Variants in ALG1 observed in about 807,000 individuals in gnomAD.
ALG1 encodes the protein chitobiosyldiphosphodolichol beta-mannosyltransferase.
ALG1 carries 58 observed loss-of-function variants against 55.1 expected under a neutral mutation model. That is an observed-to-expected ratio of 1.05 (90% CI 0.85 to 1.31). ALG1 has a LOEUF of 1.31. ALG1 is among the 50% of genes most tolerant of loss of function. The pLI is 0.00. For synonymous variants in ALG1, 309 were observed against 247.0 expected, an observed-to-expected ratio of 1.25 and a Z score of -2.35; for missense variants, 761 against 598.6, an observed-to-expected ratio of 1.27 and a Z score of -2.83.
chr16:5,081,399 A>G (rs530246856), intron 10 of ALG1, among the ~76,000 whole-genome samples: 4 of 152,362 alleles, frequency 2.6e-5, no homozygotes, highest in African/African-American at 9.6e-5. Flanking sequence ...TGTGTCAAAC[A>G]GCGTCGCCTC....
intron 6 of ALG1, chr16:5,078,251 A>G (rs1332915382): frequency 2.0e-5 from 14 of 696,204 alleles, no homozygotes; most frequent in Non-Finnish European, 3.1e-5. Context: ...GCAACAGAGA[A>G]CCTGTGGCCC....
chr16:5,081,866 C>G (rs1889849755), intron 10 of ALG1, among the ~76,000 whole-genome samples: 1 of 151,942 alleles, frequency 6.6e-6, no homozygotes, highest in Non-Finnish European at 1.5e-5. Flanking sequence ...CTGGCCCCAG[C>G]TAGTCTTTAG....
chr16:5,081,001 G>A lies in ALG1; in HGVS notation c.1017G>A (p.Gln339=), dbSNP rs1413200417. The change falls in exon 10 of 13, where the codon CAG becomes CAA. Residue 339 remains glutamine (Q), a synonymous_variant. Coordinates refer to ENST00000262374, the MANE Select transcript of ALG1 (RefSeq NM_019109.5). ...YSRLIHQKHF[Q]HIQVCTPWLE... is the part of the protein sequence containing the mutation. ...GCCTCATCCACCAGAAGCACTTCCAGCACATCCAGGTCTGCACCCCCTGGC... is the reference window on the plus strand; with the variant it reads ...GCCTCATCCACCAGAAGCACTTCCAACACATCCAGGTCTGCACCCCCTGGC... 1 of 1,593,662 alleles carries A rather than the reference G, an allele frequency of 6.3e-7. No individual in the cohort carries two copies. The highest frequency in any genetic ancestry group is 1.1e-5 in the South Asian group (1 of 90,968).
chr16:5,079,631 G>A, intron 8 of ALG1, 117 bp from the exon 9 acceptor site: 3 of 1,211,344 alleles, frequency 2.5e-6, no homozygotes, highest in Non-Finnish European at 3.6e-6. Context: ...AGAGGTTGCA[G>A]TGAGCTGAGA....
At chr16:5,073,474 G>T in intron 3 of ALG1, 1 of 597,944 alleles carries the variant, frequency 1.7e-6, no homozygotes, top group Non-Finnish European at 3.0e-6. Flanking sequence ...TGTGTATCAA[G>T]TGTTTTCCAT....
chr16:5,084,963 C>G lies in ALG1; in HGVS notation c.*82C>G. ...CTTGGAGTCTCAGGGCAAACCCTTT[C>G]GAGCAGCACCTCCCAGTGGCCAGAA... is the stretch of plus-strand genomic sequence containing the variant. On this transcript the variant is annotated 3_prime_UTR_variant, in exon 13 of 13. Transcript: ENST00000262374. 1.3e-6 allele frequency: 2 copies of G among 1,554,276 alleles called. No homozygotes were observed. The highest frequency in any genetic ancestry group is 2.2e-5 in the East Asian group (1 of 44,814).
Position 5,079,086 on chromosome 16 carries a change from G to C in ALG1, c.885G>C (p.Leu295=). The part of the protein sequence containing the change: ...SWTEDEDFSI[L]LAALEKFEQL... ...TAGAGGACGAAGACTTCTCCATCCT[G>C]CTGGCAGCTTTAGAAAGTAGGTGTG... is the stretch of plus-strand genomic sequence containing the variant. Residue 295 remains leucine (L), a synonymous_variant, in exon 8 of 13, where the codon CTG becomes CTC. Coordinates refer to ENST00000262374, the MANE Select transcript of ALG1 (RefSeq NM_019109.5). The C allele has an allele frequency of 1.3e-6, 2 of 1,598,150 alleles. No individual in the cohort carries two copies. The highest frequency in any genetic ancestry group is 8.5e-7 in the Non-Finnish European group (1 of 1,179,652).
At chr16:5,081,149 G>C (rs1018044465) in intron 10 of ALG1, 93 bp downstream of exon 10, 2 of 1,354,696 alleles carry the variant, frequency 1.5e-6, no homozygotes, top group East Asian at 2.5e-5. Flanking sequence ...GAGGCCACTG[G>C]GGGACGGGAC....
At chr16:5,073,703 C>T (rs55769963) in intron 3 of ALG1, among the ~76,000 whole-genome samples, 4,322 of 152,332 alleles carry the variant, frequency 0.028, 91 homozygotes, top group Non-Finnish European at 0.042. Flanking sequence ...CGCATACGCG[C>T]GCACACACAA....
chr16:5,073,425 C>T, intron 3 of ALG1, 169 bp downstream of exon 3: 7 of 666,244 alleles, frequency 1.1e-5, no homozygotes, highest in Non-Finnish European at 1.9e-5. Context: ...CCTATCCATG[C>T]TCTCTGTGTC....
intron 9 of ALG1, among the ~76,000 whole-genome samples, chr16:5,080,575 G>A (rs910760867): frequency 1.8e-4 from 28 of 152,300 alleles, no homozygotes; most frequent in African/African-American, 5.8e-4. Flanking sequence ...TGGAACCCGC[G>A]CCATATGCTC....
chr16:5,081,099 A>AGGG, intron 10 of ALG1, 43 bp downstream of exon 10: 1 of 297,492 alleles, frequency 3.4e-6, no homozygotes, highest in Admixed American at 4.3e-5. Context: ...CGGGGGGAAC[A>AGGG]GGGTGGGCGG....
chr16:5,078,111 G>A, intron 6 of ALG1, 94 bp downstream of exon 6: 1 of 1,426,690 alleles, frequency 7.0e-7, no homozygotes, highest in Non-Finnish European at 9.6e-7. Flanking sequence ...ACTCATCCAG[G>A]GGTTGGCAAA....
At chr16:5,074,394 C>T (rs1956871296) in intron 3 of ALG1, among the ~76,000 whole-genome samples, 1 of 152,166 alleles carries the variant, frequency 6.6e-6, no homozygotes, top group African/African-American at 2.4e-5. Context: ...AGGTGATCCA[C>T]CTGCCTCGGC....
chr16:5,085,083 A>C lies in ALG1; in HGVS notation c.*202A>C. ...CTTGATTTCTTCTCTGGAGGCTTGG[A>C]AACGCTTCCTCTCTTCTTCTGTTCT... On this transcript the variant is annotated 3_prime_UTR_variant, in exon 13 of 13. Coordinates refer to ENST00000262374, the MANE Select transcript of ALG1 (RefSeq NM_019109.5). 7.7e-6 allele frequency: 7 copies of C among 910,750 alleles called. No homozygotes were observed. The South Asian group carries it at 1.1e-4, about 15-fold the overall frequency. The allele number at this position is 910,750 out of a possible 1,614,324, so 56.4% of individuals were successfully genotyped here.
At chr16:5,080,481 G>T (rs563151169) in intron 9 of ALG1, among the ~76,000 whole-genome samples, 1 of 152,242 alleles carries the variant, frequency 6.6e-6, no homozygotes, top group African/African-American at 2.4e-5. Flanking sequence ...AAAAGCGGAA[G>T]CGGTGTGGGA....
At chr16:5,078,567 C>G in intron 6 of ALG1, 190 bp from the exon 7 acceptor site, 1 of 950,244 alleles carries the variant, frequency 1.1e-6, no homozygotes, top group Non-Finnish European at 1.7e-6. Context: ...CTGTTGTAAC[C>G]TTAGCACCCA....
At position 5,072,952 on chromosome 16, in the gene ALG1, C is replaced by G. The variant is rs1376984579; in HGVS notation, c.210C>G (p.Asn70Lys). The G allele has an allele frequency of 1.2e-6, 2 of 1,613,944 alleles. No individual in the cohort carries two copies. The highest frequency in any genetic ancestry group is 1.7e-6 in the Non-Finnish European group (2 of 1,179,914). ...GFSVTLLGFC[N>K]SKPHDELLQN... ...AAAGGGATCATTCTCATTTTTCAGA[C>G]TCCAAACCCCATGATGAGCTCTTGC... Residue 70 changes from asparagine to lysine, a missense_variant and splice_region_variant, in exon 2 of 13, where the codon AAC becomes AAG. Coordinates refer to ENST00000262374, the MANE Select transcript of ALG1 (RefSeq NM_019109.5).
At position 5,085,969 on chromosome 16, in the gene ALG1, G is replaced by T. The variant is rs1957149353; in HGVS notation, c.*1088G>T. Among the ~76,000 whole-genome samples the T allele has an allele frequency of 6.6e-6, 1 of 152,188 alleles. No homozygotes were observed. Among genetic ancestry groups the T allele is most frequent in the Non-Finnish European group, 1.5e-5 (1 of 68,036 alleles). On this transcript the variant is annotated 3_prime_UTR_variant, in exon 13 of 13. Transcript: ENST00000262374. ...GGCACCGTGCCGCTGTCCACTCTCT[G>T]CCTGTGTCTGCCCCAGCACTTGGCA...
Sources: allele counts gnomAD v4.1 joint callset (sites outside exome capture counted in the v4.1 genomes callset), GRCh38; gene constraint gnomAD v4.1.1; transcripts MANE v1.5; gene names NCBI Gene and HGNC (gene_info 2026-07-23, HGNC 2026-07-21).